The following LHFPL6 variants were observed in gnomAD, a reference collection of about 807,000 sequenced individuals.
LHFPL6 encodes LHFPL tetraspan subfamily member 6, also known as LHFPL tetraspan subfamily member 6 protein.
A neutral mutation model predicts 20.6 loss-of-function variants in LHFPL6; 9 were observed. The observed-to-expected ratio is 0.44, with a 90% CI of 0.26 to 0.76. The LOEUF (loss-of-function observed/expected upper bound fraction) is 0.76, where lower values mean the gene tolerates loss of function less well. Ranked by LOEUF, LHFPL6 falls within the 30% of genes least tolerant of loss-of-function variation. The probability of loss-of-function intolerance (pLI) is 0.20; values close to 1 mark genes in which losing one functional copy is unlikely to be tolerated. For missense variants in LHFPL6, 218 were observed against 253.5 expected, an observed-to-expected ratio of 0.86 and a Z score of 0.95; for synonymous variants, 105 against 98.7, an observed-to-expected ratio of 1.06 and a Z score of -0.38.
intron 2 of LHFPL6, among the ~76,000 whole-genome samples, chr13:39,514,291 C>G (rs1022545801): frequency 6.6e-6 from 1 of 152,096 alleles, no homozygotes; most frequent in Admixed American, 6.6e-5. Flanking sequence ...TGACAAAGCT[C>G]TAAGTCCAAG....
intron 3 of LHFPL6, among the ~76,000 whole-genome samples, chr13:39,351,634 C>CTT (rs1268470942): frequency 6.6e-6 from 1 of 152,284 alleles, no homozygotes; most frequent in East Asian, 1.9e-4. Flanking sequence ...TAACTCTGTA[C>CTT]TTCTATATTT....
intron 2 of LHFPL6, among the ~76,000 whole-genome samples, chr13:39,517,276 A>G (rs1406951303): frequency 1.3e-5 from 2 of 152,234 alleles, no homozygotes; most frequent in East Asian, 3.8e-4. Context: ...ATAAATGAAG[A>G]CACCACACGT....
Position 39,475,042 on chromosome 13 carries a change from G to GA in LHFPL6, c.386-96517dup, listed in dbSNP as rs528407296. 2.5e-4 allele frequency among the ~76,000 whole-genome samples: 38 copies of GA among 152,308 alleles called. 1 individual carries two copies. The South Asian group carries it at 7.9e-3, about 32-fold the overall frequency. ...AGCAGCGTATCTCAGATGTGACCCA[G>GA]AGCCTGTGTTTTGAATAAGCTTCCA... On this transcript the variant is annotated intron_variant, in intron 2 of 3. Transcript: ENST00000379589.
At chr13:39,482,274 T>C (rs1230248028) in intron 2 of LHFPL6, among the ~76,000 whole-genome samples, 2 of 152,078 alleles carry the variant, frequency 1.3e-5, no homozygotes, top group African/African-American at 2.4e-5. Flanking sequence ...CAAAACCTCA[T>C]CTCTACTGAA....
At chr13:39,507,934 T>C (rs531363278) in intron 2 of LHFPL6, among the ~76,000 whole-genome samples, 2 of 128,124 alleles carry the variant, frequency 1.6e-5, no homozygotes, top group East Asian at 2.8e-4. Flanking sequence ...CTCCCTCCCA[T>C]TTCTTTCTCT....
intron 2 of LHFPL6, among the ~76,000 whole-genome samples, chr13:39,479,159 G>A (rs569783491): frequency 9.2e-5 from 11 of 119,346 alleles, no homozygotes; most frequent in East Asian, 2.4e-4. Flanking sequence ...CTATCTATCT[G>A]TATATATACA....
rs562796974 is a variant in LHFPL6 at position 39,436,112 on chromosome 13, A to C, written c.386-57586T>G. On this transcript the variant is annotated intron_variant, in intron 2 of 3. Coordinates refer to ENST00000379589, the MANE Select transcript of LHFPL6 (RefSeq NM_005780.3). ...AATAGTATAAACCAGAATCCTTTGGAGTCCTCAACAATTGTTAAGCATGTA... is the reference window on the plus strand; with the variant it reads ...AATAGTATAAACCAGAATCCTTTGGCGTCCTCAACAATTGTTAAGCATGTA... Among the ~76,000 whole-genome samples the C allele has an allele frequency of 2.4e-4, 36 of 152,104 alleles. No individual in the cohort carries two copies. The South Asian group carries it at 6.0e-3, about 25-fold the overall frequency.
chr13:39,496,608 T>A (rs1290915897), intron 2 of LHFPL6, among the ~76,000 whole-genome samples: 1 of 152,158 alleles, frequency 6.6e-6, no homozygotes, highest in Non-Finnish European at 1.5e-5. Flanking sequence ...AAGAAAAACA[T>A]CCCTTCTGGA....
At chr13:39,465,748 C>T (rs1390324700) in intron 2 of LHFPL6, among the ~76,000 whole-genome samples, 1 of 151,988 alleles carries the variant, frequency 6.6e-6, no homozygotes, top group African/African-American at 2.4e-5. Flanking sequence ...AGGGTGGCCT[C>T]GCAGAACAGA....
chr13:39,490,581 T>C (rs907470043), intron 2 of LHFPL6, among the ~76,000 whole-genome samples: 3 of 152,190 alleles, frequency 2.0e-5, no homozygotes, highest in South Asian at 4.1e-4. Context: ...AGTAAGTCAG[T>C]AGCTACTAAT....
rs548073432 is a variant in LHFPL6, at chr13:39,547,121, T to C, written c.385+53711A>G. On this transcript the variant is annotated intron_variant, in intron 2 of 3. Coordinates refer to ENST00000379589, the MANE Select transcript of LHFPL6 (RefSeq NM_005780.3). ...TGCAAACTTTAGCTCCTGCTGCTCCTTTCCTTCCACATTTCACTCTCCCCA... is the reference window on the plus strand; with the variant it reads ...TGCAAACTTTAGCTCCTGCTGCTCCCTTCCTTCCACATTTCACTCTCCCCA... Among the ~76,000 whole-genome samples, 5 of 152,214 alleles carry C rather than the reference T, an allele frequency of 3.3e-5. No homozygotes were observed. In the South Asian group the frequency reaches 8.3e-4, roughly 25 times the overall value.
intron 2 of LHFPL6, among the ~76,000 whole-genome samples, chr13:39,426,313 C>T (rs942507609): frequency 2.4e-4 from 37 of 151,918 alleles, no homozygotes; most frequent in East Asian, 5.8e-4. Flanking sequence ...CTCCACCTCC[C>T]GGGTTCAAGC....
intron 2 of LHFPL6, among the ~76,000 whole-genome samples, chr13:39,393,928 G>A (rs112467157): frequency 7.9e-5 from 12 of 152,142 alleles, no homozygotes; most frequent in African/African-American, 2.9e-4. Flanking sequence ...CTCTTTGTAA[G>A]TCCAAATTTC....
intron 2 of LHFPL6, among the ~76,000 whole-genome samples, chr13:39,536,215 C>T (rs1870614129): frequency 6.6e-6 from 1 of 152,276 alleles, no homozygotes; most frequent in Admixed American, 6.5e-5. Flanking sequence ...CACTCTTTGA[C>T]ATTCAAACAC....
intron 2 of LHFPL6, among the ~76,000 whole-genome samples, chr13:39,509,269 C>A (rs1869601441): frequency 6.6e-6 from 1 of 152,084 alleles, no homozygotes; most frequent in Admixed American, 6.5e-5. Flanking sequence ...GGATACAAAT[C>A]CTTTATCGGG....
At chr13:39,390,253 C>G (rs116261556) in intron 2 of LHFPL6, among the ~76,000 whole-genome samples, 2,360 of 152,108 alleles carry the variant, frequency 0.016, 61 homozygotes, top group African/African-American at 0.054. Context: ...TGCCCTGCCA[C>G]AGTGAGCTAA....
At chr13:39,531,670 C>G (rs1431645367) in intron 2 of LHFPL6, among the ~76,000 whole-genome samples, 1 of 152,148 alleles carries the variant, frequency 6.6e-6, no homozygotes, top group Non-Finnish European at 1.5e-5. Context: ...AGCCCCTGAA[C>G]GCTAGATGTG....
At chr13:39,405,174 G>C (rs1370666596) in intron 2 of LHFPL6, among the ~76,000 whole-genome samples, 1 of 152,072 alleles carries the variant, frequency 6.6e-6, no homozygotes, top group Non-Finnish European at 1.5e-5. Context: ...ACTTAAATGA[G>C]TGAAACTGAG....
At chr13:39,462,666 GTC>G (rs1378490133) in intron 2 of LHFPL6, among the ~76,000 whole-genome samples, 9 of 146,042 alleles carry the variant, frequency 6.2e-5, no homozygotes, top group African/African-American at 1.9e-4. Flanking sequence ...GGACATTCCT[GTC>G]TCTGTTTTAC....
Sources: gnomAD v4.1 joint callset for allele counts (sites outside exome capture counted in the v4.1 genomes callset) on GRCh38, gnomAD v4.1.1 for gene constraint, MANE v1.5 for transcripts, NCBI Gene and HGNC (gene_info 2026-07-23, HGNC 2026-07-21) for gene names.